The following FHOD3 variants were observed in gnomAD, a reference collection of about 807,000 sequenced individuals.
The protein encoded by FHOD3 is formin homology 2 domain containing 3, also known as FH1/FH2 domain-containing protein 3.
In FHOD3, 90 loss-of-function variants were observed where a neutral mutation model predicts 173.0. The ratio of observed to expected loss-of-function variants is 0.52; its 90% CI spans 0.44 to 0.62. The LOEUF (loss-of-function observed/expected upper bound fraction) is 0.62. Ranked by LOEUF, FHOD3 falls within the 20% of genes least tolerant of loss-of-function variation. FHOD3 has a pLI of 0.00. For missense variants in FHOD3, 1,945 were observed against 2,034.7 expected (o/e 0.96, Z 0.85); for synonymous variants, 828 against 823.0 (o/e 1.01, Z -0.10).
At chr18:36,447,314 T>C (rs779421866) in intron 3 of FHOD3, among the ~76,000 whole-genome samples, 8 of 152,144 alleles carry the variant, frequency 5.3e-5, no homozygotes, top group Non-Finnish European at 1.2e-4. Flanking sequence ...TCCCCTGGGA[T>C]ATGAGTATGT....
rs891705131 is a variant in FHOD3, at chr18:36,732,853, C to T, written c.3576+2049C>T. Among the ~76,000 whole-genome samples the T allele has an allele frequency of 3.9e-5, 6 of 152,166 alleles. No homozygotes were observed. The East Asian group carries it at 5.8e-4, about 15-fold the overall frequency. ...ATGTACCAAGTGCAAAGCGTGTCCC[C>T]GCAGACCCTAACCCAGTGACGGATG... is the stretch of plus-strand genomic sequence containing the variant. On this transcript the variant is annotated intron_variant, in intron 20 of 28. Transcript: ENST00000590592.
At chr18:36,376,175 A>C (rs552501306) in intron 3 of FHOD3, among the ~76,000 whole-genome samples, 1 of 152,336 alleles carries the variant, frequency 6.6e-6, no homozygotes, top group South Asian at 2.1e-4. Flanking sequence ...AAGGAACTAA[A>C]GAATTGTGGG....
intron 8 of FHOD3, among the ~76,000 whole-genome samples, chr18:36,607,179 C>G (rs112349882): frequency 7.9e-5 from 12 of 152,224 alleles, no homozygotes; most frequent in African/African-American, 2.9e-4. Flanking sequence ...TCCTGGGACC[C>G]TAGGCTGTCC....
At chr18:36,373,919 G>A (rs1339055622) in intron 3 of FHOD3, among the ~76,000 whole-genome samples, 1 of 152,186 alleles carries the variant, frequency 6.6e-6, no homozygotes, top group Non-Finnish European at 1.5e-5. Context: ...CACGACTTTG[G>A]ATAAACTTCC....
intron 25 of FHOD3, among the ~76,000 whole-genome samples, chr18:36,757,480 G>T (rs2042680439): frequency 1.3e-5 from 2 of 152,174 alleles, no homozygotes; most frequent in African/African-American, 4.8e-5. Context: ...GTTAAAAATG[G>T]CATATACACA....
rs765705849 is a variant in FHOD3 at position 36,769,435 on chromosome 18, A to G, written c.4786+9A>G. The G allele has an allele frequency of 1.9e-6, 3 of 1,613,688 alleles. No homozygotes were observed. In the African/African-American group the frequency reaches 4.0e-5, roughly 22 times the overall value. On this transcript the variant is annotated intron_variant, in intron 28 of 28. Coordinates refer to ENST00000590592, the MANE Select transcript of FHOD3 (RefSeq NM_001281740.3). ...GGCCAACCGGAAATCTTGTGAGTGC[A>G]TTAAAGGAGGGGCGAGCCTTCACCC...
intron 3 of FHOD3, among the ~76,000 whole-genome samples, chr18:36,375,382 C>T (rs1221145770): frequency 6.6e-6 from 1 of 152,206 alleles, no homozygotes; most frequent in African/African-American, 2.4e-5. Context: ...CAGCCTCGCA[C>T]CACATGCAAC....
chr18:36,350,344 G>A (rs540310128), intron 1 of FHOD3, among the ~76,000 whole-genome samples: 19 of 152,292 alleles, frequency 1.2e-4, no homozygotes, highest in African/African-American at 4.6e-4. Flanking sequence ...AGCCCTATCT[G>A]TGTGAGCCTG....
In FHOD3 at chr18:36,482,856, CACAGAGAGAG is replaced by C. The variant is rs1263556142; in HGVS notation, c.338-19074_338-19065del. Among the ~76,000 whole-genome samples the C allele has an allele frequency of 2.4e-3, 157 of 64,124 alleles. 1 individual carries two copies. The highest frequency in any genetic ancestry group is 6.2e-3 in the Admixed American group (35 of 5,642). The allele number at this position is 64,124 out of a possible 152,430, so 42.1% of individuals were successfully genotyped here. On this transcript the variant is annotated intron_variant, in intron 3 of 28. Transcript: ENST00000590592. ...ACACACACACACACACTCACACACA[CACAGAGAGAG>C]AGAGAGAGAGAGAGAGAGAGAGAGA...
At chr18:36,679,919 TC>T (rs1267936440) in intron 14 of FHOD3, among the ~76,000 whole-genome samples, 1 of 152,238 alleles carries the variant, frequency 6.6e-6, no homozygotes, top group Non-Finnish European at 1.5e-5. Flanking sequence ...GTTAAACAAA[TC>T]TATTATATGC....
intron 9 of FHOD3, among the ~76,000 whole-genome samples, chr18:36,620,666 C>T (rs575828359): frequency 1.7e-4 from 26 of 152,312 alleles, no homozygotes; most frequent in Admixed American, 4.6e-4. Flanking sequence ...TAGTGTCTAC[C>T]AGGTGCTGAG....
At chr18:36,657,200 C>T (rs2036484410) in intron 13 of FHOD3, among the ~76,000 whole-genome samples, 2 of 152,118 alleles carry the variant, frequency 1.3e-5, no homozygotes, top group African/African-American at 2.4e-5. Context: ...CTAACCAGTT[C>T]GGTGGACGGG....
intron 5 of FHOD3, among the ~76,000 whole-genome samples, chr18:36,551,109 A>G (rs1051790623): frequency 2.0e-5 from 3 of 152,194 alleles, no homozygotes; most frequent in Non-Finnish European, 4.4e-5. Context: ...GTTTGCTGAG[A>G]ACAGGAATGC....
At chr18:36,380,049 T>A (rs2047658489) in intron 3 of FHOD3, among the ~76,000 whole-genome samples, 1 of 152,118 alleles carries the variant, frequency 6.6e-6, no homozygotes, top group Non-Finnish European at 1.5e-5. Flanking sequence ...AAATACCTAA[T>A]GGGAAGCATT....
intron 3 of FHOD3, among the ~76,000 whole-genome samples, chr18:36,394,851 A>G (rs9946833): frequency 0.049 from 7,462 of 152,244 alleles, 619 homozygotes; most frequent in African/African-American, 0.17. Flanking sequence ...AGCCTCCTCA[A>G]TGGGAGAAGC....
At chr18:36,749,051 G>A (rs1441858348) in intron 24 of FHOD3, among the ~76,000 whole-genome samples, 2 of 152,024 alleles carry the variant, frequency 1.3e-5, no homozygotes, top group Non-Finnish European at 2.9e-5. Context: ...ATGCAAATGA[G>A]CCTGCCTAAA....
At chr18:36,547,581 C>A (rs1287692240) in intron 5 of FHOD3, among the ~76,000 whole-genome samples, 2 of 152,132 alleles carry the variant, frequency 1.3e-5, no homozygotes, top group Non-Finnish European at 2.9e-5. Context: ...GTAACCATCT[C>A]ATTTTAAAAC....
chr18:36,364,550 G>T (rs183830265), intron 2 of FHOD3, among the ~76,000 whole-genome samples: 3 of 152,174 alleles, frequency 2.0e-5, no homozygotes, highest in Non-Finnish European at 4.4e-5. Context: ...CTTAGTTGAG[G>T]AGAGTGAAGA....
intron 17 of FHOD3, among the ~76,000 whole-genome samples, chr18:36,705,964 TG>T (rs2039855047): frequency 6.7e-6 from 1 of 149,814 alleles, no homozygotes; most frequent in African/African-American, 2.4e-5. Context: ...TGTGTGTGTG[TG>T]TGTGTGTGTG....
Sources: allele counts gnomAD v4.1 joint callset (sites outside exome capture counted in the v4.1 genomes callset), GRCh38; gene constraint gnomAD v4.1.1; transcripts MANE v1.5; gene names NCBI Gene and HGNC (gene_info 2026-07-23, HGNC 2026-07-21).